The following PTPRM variants were observed in gnomAD, a reference collection of about 807,000 sequenced individuals.
PTPRM encodes the protein protein tyrosine phosphatase receptor type M, also known as receptor-type tyrosine-protein phosphatase mu.
In PTPRM, 47 loss-of-function variants were observed where a neutral mutation model predicts 186.7. The ratio of observed to expected loss-of-function variants is 0.25; its 90% CI spans 0.20 to 0.32. The LOEUF is 0.32. PTPRM is among the 10% of genes least tolerant of loss of function. The probability of loss-of-function intolerance (pLI) is 1.00; values close to 1 mark genes in which losing one functional copy is unlikely to be tolerated. For synonymous variants in PTPRM, 668 were observed against 674.9 expected (o/e 0.99, Z 0.16); for missense variants, 1,494 against 1,865.0 (o/e 0.80, Z 3.66).
intron 1 of PTPRM, among the ~76,000 whole-genome samples, chr18:7,654,142 C>A (rs1424207296): frequency 2.0e-5 from 3 of 152,058 alleles, no homozygotes; most frequent in Non-Finnish European, 4.4e-5. Flanking sequence ...CTGTTCTTGT[C>A]TTTTGCCCAC....
At chr18:8,312,035 G>A (rs1046165529) in intron 20 of PTPRM, among the ~76,000 whole-genome samples, 2 of 152,172 alleles carry the variant, frequency 1.3e-5, no homozygotes, top group African/African-American at 4.8e-5. Context: ...TCGGTCGGTT[G>A]CCTGCCTTTT....
At chr18:7,966,812 C>T (rs1304123840) in intron 7 of PTPRM, among the ~76,000 whole-genome samples, 5 of 131,934 alleles carry the variant, frequency 3.8e-5, no homozygotes, top group African/African-American at 7.5e-5. Context: ...CCTACGCCCA[C>T]GGAGTCTCGC....
intron 14 of PTPRM, among the ~76,000 whole-genome samples, chr18:8,231,843 A>G (rs902357580): frequency 6.6e-6 from 1 of 152,028 alleles, no homozygotes; most frequent in Non-Finnish European, 1.5e-5. Context: ...GAGTTCCCAT[A>G]TAGTTCTAAC....
At chr18:7,657,655 A>G (rs1330821617) in intron 1 of PTPRM, among the ~76,000 whole-genome samples, 1 of 152,202 alleles carries the variant, frequency 6.6e-6, no homozygotes, top group East Asian at 1.9e-4. Context: ...GGGGCATACG[A>G]TTTTAATTGT....
At chr18:8,225,487 A>G (rs77092639) in intron 14 of PTPRM, among the ~76,000 whole-genome samples, 12,240 of 152,162 alleles carry the variant, frequency 0.08, 632 homozygotes, top group Middle Eastern at 0.34. Flanking sequence ...CATGGCTGGA[A>G]TCAGTCATTT....
chr18:7,575,785 A>G (rs1359311813), intron 1 of PTPRM, among the ~76,000 whole-genome samples: 2 of 152,152 alleles, frequency 1.3e-5, no homozygotes, highest in Non-Finnish European at 2.9e-5. Flanking sequence ...AGTGACTTCT[A>G]CAGCACTGAG....
At chr18:7,966,055 G>C (rs2054024399) in intron 7 of PTPRM, among the ~76,000 whole-genome samples, 1 of 152,064 alleles carries the variant, frequency 6.6e-6, no homozygotes, top group Non-Finnish European at 1.5e-5. Context: ...AGTTTATGAG[G>C]GTTAGCCATG....
chr18:8,280,180 C>T (rs911861512), intron 19 of PTPRM, among the ~76,000 whole-genome samples: 1 of 152,092 alleles, frequency 6.6e-6, no homozygotes, highest in African/African-American at 2.4e-5. Context: ...GGCGTCCTCT[C>T]CTCACATGTT....
At chr18:7,898,336 C>T (rs1036807197) in intron 3 of PTPRM, among the ~76,000 whole-genome samples, 1 of 152,148 alleles carries the variant, frequency 6.6e-6, no homozygotes, top group African/African-American at 2.4e-5. Context: ...GCACATTTTC[C>T]TTGGTGAGTA....
At chr18:8,224,657 G>A (rs1057228869) in intron 14 of PTPRM, among the ~76,000 whole-genome samples, 1 of 152,134 alleles carries the variant, frequency 6.6e-6, no homozygotes, top group African/African-American at 2.4e-5. Context: ...GTGACCCAGG[G>A]CAAGTCACAT....
intron 7 of PTPRM, among the ~76,000 whole-genome samples, chr18:7,984,739 A>T (rs1746746889): frequency 1.4e-5 from 2 of 141,228 alleles, no homozygotes; most frequent in African/African-American, 5.2e-5. Flanking sequence ...AAATATATAC[A>T]TATAAAATTA....
chr18:7,678,227 G>A (rs111390540), intron 1 of PTPRM, among the ~76,000 whole-genome samples: 16 of 152,272 alleles, frequency 1.1e-4, no homozygotes, highest in African/African-American at 3.8e-4. Context: ...GGGTAGTTAG[G>A]AAGTCCTGGC....
intron 7 of PTPRM, among the ~76,000 whole-genome samples, chr18:7,979,069 A>T (rs574632121): frequency 2.7e-4 from 41 of 152,178 alleles, no homozygotes; most frequent in South Asian, 1.0e-3. Context: ...ATTCCTGGCT[A>T]TATTGAAGCT....
At chr18:8,213,742 T>A (rs956772423) in intron 14 of PTPRM, among the ~76,000 whole-genome samples, 5 of 152,194 alleles carry the variant, frequency 3.3e-5, no homozygotes, top group African/African-American at 1.2e-4. Context: ...GATCCAGCAG[T>A]CCCACTACTG....
At chr18:8,109,639 A>G (rs984810383) in intron 11 of PTPRM, among the ~76,000 whole-genome samples, 1 of 152,178 alleles carries the variant, frequency 6.6e-6, no homozygotes, top group African/African-American at 2.4e-5. Context: ...GTTTGCTTAG[A>G]TGATATTTAT....
chr18:8,116,877 A>C (rs995155135), intron 13 of PTPRM, among the ~76,000 whole-genome samples: 46 of 152,320 alleles, frequency 3.0e-4, no homozygotes, highest in African/African-American at 9.4e-4. Context: ...GTCATTTGCA[A>C]ACATTTACAC....
intron 1 of PTPRM, among the ~76,000 whole-genome samples, chr18:7,698,716 A>G (rs2039895284): frequency 6.6e-6 from 1 of 152,102 alleles, no homozygotes; most frequent in Admixed American, 6.5e-5. Context: ...TACTCCCTCA[A>G]CAGTGTAAGA....
At chr18:8,100,223 C>G (rs1284327173) in intron 11 of PTPRM, among the ~76,000 whole-genome samples, 2 of 152,108 alleles carry the variant, frequency 1.3e-5, no homozygotes, top group African/African-American at 4.8e-5. Context: ...ACTGCAACCT[C>G]TGCCTCCCCG....
At chr18:8,329,732 C>A (rs1431901674) in intron 22 of PTPRM, among the ~76,000 whole-genome samples, 1 of 152,200 alleles carries the variant, frequency 6.6e-6, no homozygotes, top group Non-Finnish European at 1.5e-5. Flanking sequence ...ATAAATGATA[C>A]CCAACTCTTA....
Sources: allele counts gnomAD v4.1 joint callset (sites outside exome capture counted in the v4.1 genomes callset), GRCh38; gene constraint gnomAD v4.1.1; transcripts MANE v1.5; gene names NCBI Gene and HGNC (gene_info 2026-07-23, HGNC 2026-07-21).